AMMECR1: variants seen among roughly 807,000 people sequenced by gnomAD.
The protein encoded by AMMECR1 is nuclear protein AMMECR1.
Under a neutral mutation model 22.5 loss-of-function variants are expected in AMMECR1, and 3 were observed. That is an observed-to-expected ratio of 0.13 (90% CI 0.06 to 0.35). AMMECR1 has a LOEUF of 0.35. Ranked by LOEUF, AMMECR1 falls within the 10% of genes least tolerant of loss-of-function variation. The pLI, the probability that AMMECR1 is intolerant of heterozygous loss-of-function variation, is 1.00. For missense variants in AMMECR1, 235 were observed against 278.7 expected (o/e 0.84, Z 1.12); for synonymous variants, 130 against 116.7 (o/e 1.11, Z -0.74).
At chrX:110,368,769 G>A (rs1407044885) in intron 2 of AMMECR1, among the ~76,000 whole-genome samples, 1 of 111,787 alleles carries the variant, frequency 8.9e-6, no homozygotes, top group Non-Finnish European at 1.9e-5. Flanking sequence ...TCCCTAGTGT[G>A]TAATGTGGTA....
At chrX:110,362,147 A>G (rs2068268151) in intron 2 of AMMECR1, among the ~76,000 whole-genome samples, 1 of 112,023 alleles carries the variant, frequency 8.9e-6, no homozygotes, top group Non-Finnish European at 1.9e-5. Context: ...TAAAAAATAT[A>G]TATATATAAC....
intron 2 of AMMECR1, among the ~76,000 whole-genome samples, chrX:110,260,044 A>G (rs754001371): frequency 3.6e-5 from 4 of 111,966 alleles, no homozygotes; most frequent in African/African-American, 1.3e-4. Context: ...TATCTCCTTC[A>G]GCTCGGACAA....
At chrX:110,298,078 C>T (rs1261374058) in intron 1 of AMMECR1, among the ~76,000 whole-genome samples, 1 of 111,231 alleles carries the variant, frequency 9.0e-6, no homozygotes, top group Non-Finnish European at 1.9e-5. Flanking sequence ...GATTCACATA[C>T]TTTAATTTTA....
chrX:110,251,554 G>A (rs1209699457), intron 2 of AMMECR1, among the ~76,000 whole-genome samples: 4 of 112,161 alleles, frequency 3.6e-5, no homozygotes, highest in Non-Finnish European at 7.5e-5. Flanking sequence ...ACTGTTTTAA[G>A]GAGAGTGAGA....
intron 2 of AMMECR1, among the ~76,000 whole-genome samples, chrX:110,358,645 CT>C (rs1417378118): frequency 8.9e-6 from 1 of 111,837 alleles, no homozygotes; most frequent in Admixed American, 9.5e-5. Flanking sequence ...ATTATACTGT[CT>C]GTATTTGCTT....
chrX:110,375,064 G>C (rs2068366971), intron 2 of AMMECR1, among the ~76,000 whole-genome samples: 1 of 111,565 alleles, frequency 9.0e-6, no homozygotes, highest in Admixed American at 9.5e-5. Context: ...TACTGGATAG[G>C]TTATATAGCA....
At chrX:110,293,259 CGT>C (rs2067918139) in intron 1 of AMMECR1, among the ~76,000 whole-genome samples, 1 of 111,622 alleles carries the variant, frequency 9.0e-6, no homozygotes, top group South Asian at 3.8e-4. Context: ...TCATTGTCCT[CGT>C]GTGTTTGGAT....
chrX:110,400,523 C>A (rs1220302969), intron 2 of AMMECR1, among the ~76,000 whole-genome samples: 5 of 110,770 alleles, frequency 4.5e-5, no homozygotes, highest in Non-Finnish European at 9.4e-5. Context: ...ACAGTGTAAT[C>A]TCTCACCAGT....
intron 2 of AMMECR1, among the ~76,000 whole-genome samples, chrX:110,391,355 G>A (rs2068492392): frequency 8.9e-6 from 1 of 111,866 alleles, no homozygotes; most frequent in Non-Finnish European, 1.9e-5. Context: ...CATCATGCTT[G>A]GGGGCACCAC....
chrX:110,205,566 G>A (rs772654493), intron 3 of AMMECR1, among the ~76,000 whole-genome samples: 12 of 111,314 alleles, frequency 1.1e-4, no homozygotes, highest in African/African-American at 3.9e-4. Context: ...TGGATGAGGG[G>A]GCAGCATGTG....
At chrX:110,413,078 C>T (rs1569424709) in intron 2 of AMMECR1, among the ~76,000 whole-genome samples, 1 of 111,668 alleles carries the variant, frequency 9.0e-6, no homozygotes, top group East Asian at 2.8e-4. Context: ...TGCTCGTCAT[C>T]TGTCCTCTCC....
chrX:110,349,256 C>A (rs188921495), intron 2 of AMMECR1, among the ~76,000 whole-genome samples: 2 of 112,012 alleles, frequency 1.8e-5, no homozygotes, highest in African/African-American at 3.2e-5. Flanking sequence ...GTTGAGGCTG[C>A]TATATCAAGA....
At chrX:110,239,793 C>T (rs2067621071) in intron 2 of AMMECR1, among the ~76,000 whole-genome samples, 1 of 111,476 alleles carries the variant, frequency 9.0e-6, no homozygotes, top group Non-Finnish European at 1.9e-5. Flanking sequence ...ATGTTAAGGG[C>T]AGCCAGAGAG....
At chrX:110,408,256 C>T in intron 2 of AMMECR1, among the ~76,000 whole-genome samples, 1 of 112,003 alleles carries the variant, frequency 8.9e-6, no homozygotes, top group South Asian at 3.7e-4. Context: ...AGTTGGGAGC[C>T]TGGGAAGAAC....
intron 2 of AMMECR1, among the ~76,000 whole-genome samples, chrX:110,239,999 G>C (rs1319536025): frequency 9.0e-6 from 1 of 111,360 alleles, no homozygotes; most frequent in African/African-American, 3.3e-5. Flanking sequence ...TTATAGACAA[G>C]CAAATGCTGA....
chrX:110,313,023 T>C (rs1001461339), intron 1 of AMMECR1, among the ~76,000 whole-genome samples: 1 of 111,985 alleles, frequency 8.9e-6, no homozygotes, highest in African/African-American at 3.2e-5. Context: ...ATATTTAAAA[T>C]ACAAATTTAA....
At chrX:110,438,626 T>TA (rs1465409665) in intron 1 of AMMECR1, among the ~76,000 whole-genome samples, 2 of 111,621 alleles carry the variant, frequency 1.8e-5, no homozygotes, top group African/African-American at 6.5e-5. Flanking sequence ...AGTTTTGTCC[T>TA]ATAGCCTGAA....
intron 2 of AMMECR1, among the ~76,000 whole-genome samples, chrX:110,261,793 G>T (rs2067742964): frequency 9.0e-6 from 1 of 111,422 alleles, no homozygotes; most frequent in Admixed American, 9.5e-5. Context: ...TTATTTTCAT[G>T]ACAAAGCTGC....
intron 2 of AMMECR1, among the ~76,000 whole-genome samples, chrX:110,360,120 G>A (rs1489190390): frequency 9.0e-6 from 1 of 111,566 alleles, no homozygotes; most frequent in Non-Finnish European, 1.9e-5. Context: ...TGAGGACAGA[G>A]AAGAAATCTC....
Sources: gnomAD v4.1 joint callset for allele counts (sites outside exome capture counted in the v4.1 genomes callset) on GRCh38, gnomAD v4.1.1 for gene constraint, MANE v1.5 for transcripts, NCBI Gene and HGNC (gene_info 2026-07-23, HGNC 2026-07-21) for gene names.